Variants in UEVLD observed in about 807,000 individuals in gnomAD.
UEVLD encodes the protein UEV and lactate/malate dehyrogenase domains.
UEVLD carries 47 observed loss-of-function variants against 58.6 expected under a neutral mutation model. The observed-to-expected ratio is 0.80, with a 90% confidence interval of 0.63 to 1.02. The LOEUF (loss-of-function observed/expected upper bound fraction) is 1.02, where lower values mean the gene tolerates loss of function less well. Ranked by LOEUF, UEVLD falls within the 50% of genes least tolerant of loss-of-function variation. The pLI is 0.00. For missense variants in UEVLD, 510 were observed against 550.6 expected (o/e 0.93, Z 0.74); for synonymous variants, 197 against 195.3 (o/e 1.01, Z -0.07).
chr11:18,545,697 G>A (rs1252625663), intron 8 of UEVLD, among the ~76,000 whole-genome samples: 4 of 151,908 alleles, frequency 2.6e-5, no homozygotes, highest in African/African-American at 9.7e-5. Flanking sequence ...CACCTGCCTC[G>A]GCCTCCCAAA....
At chr11:18,555,229 A>T (rs1334772566) in intron 7 of UEVLD, among the ~76,000 whole-genome samples, 6 of 152,086 alleles carry the variant, frequency 3.9e-5, no homozygotes, top group Non-Finnish European at 8.8e-5. Flanking sequence ...GATCAAGACC[A>T]TCCTAGCTAA....
At chr11:18,544,573 G>A in intron 9 of UEVLD, 50 bp downstream of exon 9, 1 of 1,556,902 alleles carries the variant, frequency 6.4e-7, no homozygotes, top group South Asian at 1.2e-5. Context: ...CCAAAGTGTT[G>A]GAATTACAGG....
chr11:18,560,903 C>T (rs1003388960), intron 6 of UEVLD, among the ~76,000 whole-genome samples: 14 of 151,802 alleles, frequency 9.2e-5, no homozygotes, highest in African/African-American at 2.7e-4. Context: ...CCCAGCTACT[C>T]GGGAGGCTGA....
chr11:18,552,881 C>T (rs879774343), intron 7 of UEVLD, among the ~76,000 whole-genome samples: 19 of 151,302 alleles, frequency 1.3e-4, no homozygotes, highest in African/African-American at 2.9e-4. Context: ...TTAGGCTGGG[C>T]GTGGTGGCTC....
chr11:18,558,217 A>G lies in UEVLD; in HGVS notation c.715+11T>C, dbSNP rs1268400583. On this transcript the variant is annotated intron_variant, in intron 7 of 11. Coordinates refer to ENST00000396197, the MANE Select transcript of UEVLD (RefSeq NM_001040697.4). Reference sequence around the variant, plus strand: ...TAATAAGGCATACATCTTTAAGCAGAATAAACAGACCTTTGCTGATCTCCA... The same window carrying G: ...TAATAAGGCATACATCTTTAAGCAGGATAAACAGACCTTTGCTGATCTCCA... 1 of 1,603,848 alleles carries G rather than the reference A, an allele frequency of 6.2e-7. No homozygotes were observed. Among genetic ancestry groups the G allele is most frequent in the African/African-American group, 1.3e-5 (1 of 74,614 alleles).
At chr11:18,552,407 T>C (rs1368400836) in intron 7 of UEVLD, among the ~76,000 whole-genome samples, 1 of 151,654 alleles carries the variant, frequency 6.6e-6, no homozygotes, top group Non-Finnish European at 1.5e-5. Flanking sequence ...ATTAGCCAGG[T>C]GTGATGGTGT....
intron 11 of UEVLD, among the ~76,000 whole-genome samples, chr11:18,533,062 C>CTTT (rs530237376): frequency 2.2e-5 from 3 of 133,970 alleles, no homozygotes; most frequent in East Asian, 2.6e-4. Flanking sequence ...CTTTTCTTTT[C>CTTT]TTTTTTTTTT....
chr11:18,548,183 G>GCACCTTT (rs1406047240), intron 7 of UEVLD, among the ~76,000 whole-genome samples: 1 of 152,308 alleles, frequency 6.6e-6, no homozygotes, highest in African/African-American at 2.4e-5. Flanking sequence ...TGACTCCAGA[G>GCACCTTT]CACCTTTGAC....
At position 18,562,988 on chromosome 11, in the gene UEVLD, G is replaced by A. The variant is rs144577530; in HGVS notation, c.612+1904C>T. Reference sequence around the variant, plus strand: ...TTAAGCCCAGGAGATAGAGACCGCAGTAAGCCATGATCATACCAGTGCATG... The same window carrying A: ...TTAAGCCCAGGAGATAGAGACCGCAATAAGCCATGATCATACCAGTGCATG... On this transcript the variant is annotated intron_variant, in intron 6 of 11. Coordinates refer to ENST00000396197, the MANE Select transcript of UEVLD (RefSeq NM_001040697.4). 7.3e-3 allele frequency among the ~76,000 whole-genome samples: 1,113 copies of A among 151,862 alleles called. 13 individuals are homozygous for A. The highest frequency in any genetic ancestry group is 0.026 in the African/African-American group (1,061 of 41,416).
chr11:18,574,329 G>A (rs1031791531), intron 3 of UEVLD, among the ~76,000 whole-genome samples: 1 of 152,236 alleles, frequency 6.6e-6, no homozygotes, highest in Admixed American at 6.5e-5. Flanking sequence ...GTAGAGATGA[G>A]ATTTCACCAT....
intron 2 of UEVLD, among the ~76,000 whole-genome samples, chr11:18,577,086 T>A (rs1815844097): frequency 6.6e-6 from 1 of 152,084 alleles, no homozygotes; most frequent in African/African-American, 2.4e-5. Context: ...GAGAGACTGA[T>A]GCATGAGAAT....
At chr11:18,547,832 G>A (rs1205095612) in intron 7 of UEVLD, among the ~76,000 whole-genome samples, 2 of 152,048 alleles carry the variant, frequency 1.3e-5, no homozygotes, top group Non-Finnish European at 2.9e-5. Context: ...GCCTATCCAA[G>A]CAGAATAGTG....
chr11:18,584,073 T>C (rs1853411421), intron 1 of UEVLD, among the ~76,000 whole-genome samples: 1 of 152,162 alleles, frequency 6.6e-6, no homozygotes. Flanking sequence ...TAACACTTAA[T>C]ATAAACGAAG....
rs989748243 is a variant in UEVLD, at chr11:18,531,616, T to C, written c.*704A>G. The stretch of plus-strand genomic sequence containing the variant: ...ATATTTGCTTATGGTTCCACTAATA[T>C]CACAATTAGTTTATGAGATGTTGGA... On this transcript the variant is annotated 3_prime_UTR_variant, in exon 12 of 12. Coordinates refer to ENST00000396197, the MANE Select transcript of UEVLD (RefSeq NM_001040697.4). The C allele has an allele frequency of 6.6e-6, 1 of 152,206 alleles. No individual in the cohort carries two copies. Among genetic ancestry groups the C allele is most frequent in the Non-Finnish European group, 1.5e-5 (1 of 68,034 alleles). 9.4% of individuals were successfully genotyped at this position (152,206 alleles called of 1,614,324 possible). A position where few individuals can be genotyped will look rare whatever the true frequency, so the allele number is the denominator to read the frequency against.
intron 11 of UEVLD, among the ~76,000 whole-genome samples, chr11:18,532,971 G>A (rs1169835902): frequency 1.3e-5 from 2 of 151,964 alleles, no homozygotes; most frequent in Non-Finnish European, 2.9e-5. Context: ...AGGGTAATGG[G>A]GCTATCCATC....
At chr11:18,536,585 C>A in intron 9 of UEVLD, 116 bp from the exon 10 acceptor site, 1 of 840,788 alleles carries the variant, frequency 1.2e-6, no homozygotes, top group Non-Finnish European at 1.9e-6. Flanking sequence ...GAAGTTTTCT[C>A]ATTTCTAGCA....
At chr11:18,566,065 CT>C (rs879682575) in intron 5 of UEVLD, among the ~76,000 whole-genome samples, 1 of 151,424 alleles carries the variant, frequency 6.6e-6, no homozygotes, top group Non-Finnish European at 1.5e-5. Flanking sequence ...CGCCCAGCTA[CT>C]TTTTTTATTT....
rs1850886745 is a variant in UEVLD at position 18,538,101 on chromosome 11, A to G, written c.1061-1632T>C. Among the ~76,000 whole-genome samples the G allele has an allele frequency of 2.6e-5, 4 of 152,338 alleles. No homozygotes were observed. The South Asian group carries it at 8.3e-4, about 32-fold the overall frequency. On this transcript the variant is annotated intron_variant, in intron 9 of 11. Transcript: ENST00000396197. Reference sequence around the variant, plus strand: ...AGGCAAAACAAAAATACTTGTGGCTATAGAATAATATGTTTAAGATACAAG... The same window carrying G: ...AGGCAAAACAAAAATACTTGTGGCTGTAGAATAATATGTTTAAGATACAAG...
At chr11:18,541,385 A>G (rs1178682452) in intron 9 of UEVLD, among the ~76,000 whole-genome samples, 1 of 152,216 alleles carries the variant, frequency 6.6e-6, no homozygotes, top group Non-Finnish European at 1.5e-5. Context: ...TTGTCTATAC[A>G]CAGAATATTT....
Sources: allele counts gnomAD v4.1 joint callset (sites outside exome capture counted in the v4.1 genomes callset), GRCh38; gene constraint gnomAD v4.1.1; transcripts MANE v1.5; gene names NCBI Gene and HGNC (gene_info 2026-07-23, HGNC 2026-07-21).